SHANK2: variants seen among roughly 807,000 people sequenced by gnomAD.
SHANK2 encodes SH3 and multiple ankyrin repeat domains 2.
A neutral mutation model predicts 133.7 loss-of-function variants in SHANK2; 43 were observed. The observed-to-expected ratio is 0.32, with a 90% CI of 0.25 to 0.41. SHANK2 has a LOEUF of 0.41. Ranked by LOEUF, SHANK2 falls within the 10% of genes least tolerant of loss-of-function variation. The pLI, the probability that SHANK2 is intolerant of heterozygous loss-of-function variation, is 1.00. For synonymous variants in SHANK2, 1,017 were observed against 952.8 expected (o/e 1.07, Z -1.24); for missense variants, 1,994 against 2,235.8 (o/e 0.89, Z 2.18).
At chr11:70,770,087 T>G (rs782335703) in intron 14 of SHANK2, among the ~76,000 whole-genome samples, 2 of 152,232 alleles carry the variant, frequency 1.3e-5, no homozygotes, top group Non-Finnish European at 2.9e-5. Flanking sequence ...CTCCCTCTGA[T>G]TCTGGTCGCA....
chr11:70,858,913 G>A (rs112686581), intron 11 of SHANK2, among the ~76,000 whole-genome samples: 39 of 152,338 alleles, frequency 2.6e-4, no homozygotes, highest in African/African-American at 6.5e-4. Flanking sequence ...GTACATGCTC[G>A]TCCCTCCCAA....
At chr11:70,660,915 C>A (rs2061478313) in intron 16 of SHANK2, among the ~76,000 whole-genome samples, 1 of 152,220 alleles carries the variant, frequency 6.6e-6, no homozygotes, top group South Asian at 2.1e-4. Context: ...GGGCGGATGT[C>A]CCCTCTCATG....
chr11:70,630,314 C>A (rs1161527139), intron 17 of SHANK2, among the ~76,000 whole-genome samples: 1 of 152,204 alleles, frequency 6.6e-6, no homozygotes, highest in African/African-American at 2.4e-5. Context: ...AGGAACCAGG[C>A]CACGGCTGAG....
intron 10 of SHANK2, among the ~76,000 whole-genome samples, chr11:70,923,392 G>A (rs1950377837): frequency 1.3e-5 from 2 of 152,216 alleles, no homozygotes; most frequent in South Asian, 4.1e-4. Context: ...ACAGGCATGA[G>A]CTACTATGGC....
At chr11:70,495,390 G>A (rs1422564213) in intron 21 of SHANK2, among the ~76,000 whole-genome samples, 1 of 152,212 alleles carries the variant, frequency 6.6e-6, no homozygotes, top group Admixed American at 6.5e-5. Context: ...TCTCCCCCTT[G>A]ACTTGGGACC....
intron 10 of SHANK2, among the ~76,000 whole-genome samples, chr11:70,938,515 T>C (rs1342000270): frequency 1.3e-5 from 2 of 152,168 alleles, no homozygotes; most frequent in Non-Finnish European, 2.9e-5. Flanking sequence ...TAAAAATACA[T>C]ATATGTGTCA....
At chr11:70,848,634 C>T (rs554858500) in intron 11 of SHANK2, among the ~76,000 whole-genome samples, 4 of 152,316 alleles carry the variant, frequency 2.6e-5, no homozygotes, top group South Asian at 4.1e-4. Flanking sequence ...GCTTCCAATG[C>T]GATTTGACCA....
intron 17 of SHANK2, among the ~76,000 whole-genome samples, chr11:70,553,783 G>A (rs902090833): frequency 9.2e-5 from 14 of 152,190 alleles, no homozygotes; most frequent in Admixed American, 9.2e-4. Context: ...CGTGACATAG[G>A]GTTGAAGTCA....
intron 1 of SHANK2, among the ~76,000 whole-genome samples, chr11:71,247,274 A>G (rs1315995804): frequency 6.6e-6 from 1 of 152,230 alleles, no homozygotes; most frequent in African/African-American, 2.4e-5. Context: ...ATCGATATTT[A>G]CCTCACAGAG....
intron 10 of SHANK2, among the ~76,000 whole-genome samples, chr11:70,918,129 C>G (rs1950295215): frequency 6.6e-6 from 1 of 151,814 alleles, no homozygotes. Context: ...GAAAGAAAAG[C>G]AATTGCTATA....
chr11:70,761,172 C>T (rs78193196), intron 14 of SHANK2, among the ~76,000 whole-genome samples: 2,396 of 152,280 alleles, frequency 0.016, 85 homozygotes, highest in African/African-American at 0.055. Context: ...AAACCTCTAA[C>T]AGGATGGTAT....
At position 71,147,143 on chromosome 11, in the gene SHANK2, C is replaced by G; in HGVS notation, c.184G>C (p.Val62Leu). Reference sequence around the variant, plus strand: ...ACCGTCTGCTGCAGGTCATGGATGACCACGCGGATCACCAGCGTGTTGCCC... The same window carrying G: ...ACCGTCTGCTGCAGGTCATGGATGAGCACGCGGATCACCAGCGTGTTGCCC... ...SQGNTLVIRV[V>L]IHDLQQTKCI... The change falls in exon 3 of 26, where the codon GTC becomes CTC. Residue 62 changes from valine to leucine, a missense_variant. Transcript: ENST00000601538. 1 of 1,549,418 alleles carries G rather than the reference C, an allele frequency of 6.5e-7. No individual in the cohort carries two copies.
At chr11:70,701,336 A>T (rs979535225) in intron 14 of SHANK2, among the ~76,000 whole-genome samples, 1 of 152,218 alleles carries the variant, frequency 6.6e-6, no homozygotes, top group Non-Finnish European at 1.5e-5. Flanking sequence ...CAAGTTTTAC[A>T]TTTGGCTCAG....
intron 3 of SHANK2, among the ~76,000 whole-genome samples, chr11:71,132,882 A>G (rs1473139404): frequency 1.3e-5 from 2 of 152,252 alleles, no homozygotes; most frequent in East Asian, 3.9e-4. Flanking sequence ...CCTCTTAAGG[A>G]CAGGTAGGCT....
At chr11:70,884,478 C>T (rs573895249) in intron 11 of SHANK2, among the ~76,000 whole-genome samples, 2 of 152,326 alleles carry the variant, frequency 1.3e-5, no homozygotes, top group South Asian at 2.1e-4. Flanking sequence ...TTCCTAAGAG[C>T]TGTTGACTAT....
intron 9 of SHANK2, among the ~76,000 whole-genome samples, chr11:71,059,700 C>T (rs947682373): frequency 1.3e-5 from 2 of 152,170 alleles, no homozygotes; most frequent in Admixed American, 6.5e-5. Context: ...ACACCCTCTC[C>T]GGCAGCTAAG....
rs182911335 is a variant in SHANK2, at chr11:71,155,491, G to A, written c.-12-8153C>T. Among the ~76,000 whole-genome samples the A allele has an allele frequency of 1.3e-5, 2 of 152,010 alleles. 1 individual carries two copies. Among genetic ancestry groups the A allele is most frequent in the East Asian group, 3.9e-4 (2 of 5,150 alleles). On this transcript the variant is annotated intron_variant, in intron 2 of 25. Coordinates refer to ENST00000601538, the MANE Select transcript of SHANK2 (RefSeq NM_012309.5). ...TGCCCACGCTCCCAGAGGAGGGATG[G>A]ACCTGCCCCTCCCATGCCCCCAGCC...
intron 10 of SHANK2, among the ~76,000 whole-genome samples, chr11:70,920,509 A>G (rs1370369147): frequency 6.6e-6 from 1 of 152,288 alleles, no homozygotes; most frequent in Non-Finnish European, 1.5e-5. Context: ...AAATGCAAAT[A>G]TTCTATAGAA....
chr11:71,190,695 G>A (rs1420092653), intron 2 of SHANK2, among the ~76,000 whole-genome samples: 1 of 152,156 alleles, frequency 6.6e-6, no homozygotes, highest in Non-Finnish European at 1.5e-5. Context: ...GCCAGGACAT[G>A]GGAACAAGGG....
Sources: allele counts gnomAD v4.1 joint callset (sites outside exome capture counted in the v4.1 genomes callset), GRCh38; gene constraint gnomAD v4.1.1; transcripts MANE v1.5; gene names NCBI Gene and HGNC (gene_info 2026-07-23, HGNC 2026-07-21).